NFU1: variants seen among roughly 807,000 people sequenced by gnomAD.
The protein encoded by NFU1 is NFU1 iron-sulfur cluster scaffold homolog, mitochondrial.
NFU1 carries 30 observed loss-of-function variants against 32.2 expected under a neutral mutation model. The ratio of observed to expected loss-of-function variants is 0.93; its 90% CI spans 0.70 to 1.26. NFU1 has a LOEUF of 1.26. NFU1 is among the 50% of genes most tolerant of loss of function. The pLI, the probability that NFU1 is intolerant of heterozygous loss-of-function variation, is 0.00. For missense variants in NFU1, 306 were observed against 306.6 expected (o/e 1.00, Z 0.02); for synonymous variants, 112 against 104.6 (o/e 1.07, Z -0.43).
At chr2:69,429,125 T>A (rs760291014) in intron 2 of NFU1, among the ~76,000 whole-genome samples, 1 of 152,226 alleles carries the variant, frequency 6.6e-6, no homozygotes, top group Non-Finnish European at 1.5e-5. Flanking sequence ...GATTTTTCAA[T>A]GACACATTAA....
At chr2:69,431,441 G>C (rs1167347455) in intron 2 of NFU1, among the ~76,000 whole-genome samples, 1 of 152,078 alleles carries the variant, frequency 6.6e-6, no homozygotes, top group East Asian at 1.9e-4. Context: ...AAGCAGCTGG[G>C]ACTACACGTG....
Position 69,423,696 on chromosome 2 carries a change from G to A in NFU1, c.188C>T (p.Thr63Ile), listed in dbSNP as rs1261265957. The change falls in exon 3 of 8, where the codon ACA becomes ATA. Residue 63 changes from threonine to isoleucine, a missense_variant. Thr to Ile is a moderately conservative substitution (Grantham distance 89). Coordinates refer to ENST00000410022, the MANE Select transcript of NFU1 (RefSeq NM_001002755.4). ...YHPVRYMFIQTQDTPNPNSLK... is the reference protein window; with the variant it reads ...YHPVRYMFIQIQDTPNPNSLK... ...GCTGTTTGGATTTGGGGTATCTTGTGTTTGAATAAACATGTATCTCACTAA... is the reference window on the plus strand; with the variant it reads ...GCTGTTTGGATTTGGGGTATCTTGTATTTGAATAAACATGTATCTCACTAA... 6.2e-7 allele frequency: 1 copy of A among 1,602,634 alleles called. No individual in the cohort carries two copies. The highest frequency in any genetic ancestry group is 8.5e-7 in the Non-Finnish European group (1 of 1,169,808).
At chr2:69,418,759 A>T (rs981326268) in intron 4 of NFU1, among the ~76,000 whole-genome samples, 7 of 151,864 alleles carry the variant, frequency 4.6e-5, no homozygotes, top group Non-Finnish European at 2.9e-5. Flanking sequence ...GTGAGCCACC[A>T]CACCCGGCCC....
chr2:69,422,139 G>A (rs1182861849), intron 3 of NFU1, among the ~76,000 whole-genome samples: 1 of 152,130 alleles, frequency 6.6e-6, no homozygotes, highest in Non-Finnish European at 1.5e-5. Context: ...CAATGATGCA[G>A]CGAGGGTGGT....
At chr2:69,427,935 A>G (rs917522669) in intron 2 of NFU1, among the ~76,000 whole-genome samples, 6 of 152,002 alleles carry the variant, frequency 3.9e-5, no homozygotes, top group Non-Finnish European at 5.9e-5. Flanking sequence ...AGGCAGGACA[A>G]TCACTTGAAC....
At chr2:69,411,747 C>T (rs1253259604) in intron 5 of NFU1, among the ~76,000 whole-genome samples, 1 of 152,030 alleles carries the variant, frequency 6.6e-6, no homozygotes, top group Admixed American at 6.6e-5. Context: ...CACGCATCAC[C>T]ATGCCCAGCT....
chr2:69,413,280 C>T (rs1287849422), intron 5 of NFU1, among the ~76,000 whole-genome samples: 5 of 138,634 alleles, frequency 3.6e-5, no homozygotes, highest in African/African-American at 1.4e-4. Flanking sequence ...AGCGAAACTC[C>T]GTTTCAAAAA....
At chr2:69,402,094 C>T (rs1279206684) in intron 6 of NFU1, among the ~76,000 whole-genome samples, 3 of 152,086 alleles carry the variant, frequency 2.0e-5, no homozygotes, top group South Asian at 4.2e-4. Context: ...CATGTTTCAC[C>T]ATGTTGGCCA....
At chr2:69,420,350 C>T (rs1220910999) in intron 3 of NFU1, among the ~76,000 whole-genome samples, 1 of 152,232 alleles carries the variant, frequency 6.6e-6, no homozygotes, top group African/African-American at 2.4e-5. Flanking sequence ...GCCAACTGAA[C>T]ATCTGACAGA....
intron 5 of NFU1, among the ~76,000 whole-genome samples, chr2:69,409,939 A>C (rs560354474): frequency 1.8e-4 from 27 of 152,208 alleles, no homozygotes; most frequent in Non-Finnish European, 2.9e-4. Flanking sequence ...ATATGTGTAT[A>C]TGCACATATA....
At chr2:69,426,841 G>T (rs1673471239) in intron 2 of NFU1, among the ~76,000 whole-genome samples, 1 of 151,554 alleles carries the variant, frequency 6.6e-6, no homozygotes, top group South Asian at 2.1e-4. Flanking sequence ...GGCCGAGGCG[G>T]GCGGATCACG....
At position 69,396,163 on chromosome 2, in the gene NFU1, G is replaced by C. The variant is rs367833258; in HGVS notation, c.*83C>G. The C allele has an allele frequency of 7.4e-6, 8 of 1,080,806 alleles. No individual in the cohort carries two copies. The East Asian group carries it at 9.5e-5, about 13-fold the overall frequency. 67.0% of individuals were successfully genotyped at this position (1,080,806 alleles called of 1,614,324 possible). On this transcript the variant is annotated 3_prime_UTR_variant, in exon 8 of 8. Transcript: ENST00000410022. Reference sequence around the variant, plus strand: ...AAGAGCATATTTTATTAATCTTCAAGTTCCTCAGCATATTAATAATAAAAA... The same window carrying C: ...AAGAGCATATTTTATTAATCTTCAACTTCCTCAGCATATTAATAATAAAAA...
At position 69,423,170 on chromosome 2, in the gene NFU1, G is replaced by GTGTGTGTGTA. The variant is rs1553401038; in HGVS notation, c.302+411_302+412insTACACACACA. On this transcript the variant is annotated intron_variant, in intron 3 of 7. Transcript: ENST00000410022. ...TTTGTGTGTGTGTGTGTGTGTGTAT[G>GTGTGTGTGTA]TGTGTGTGTGTGTGGTGAGATGGGC... Among the ~76,000 whole-genome samples, 26 of 113,990 alleles carry GTGTGTGTGTA rather than the reference G, an allele frequency of 2.3e-4. 1 individual carries two copies. Among genetic ancestry groups the GTGTGTGTGTA allele is most frequent in the African/African-American group, 8.8e-4 (26 of 29,668 alleles). 74.8% of individuals were successfully genotyped at this position (113,990 alleles called of 152,430 possible). A position where few individuals can be genotyped will look rare whatever the true frequency, so the allele number is the denominator to read the frequency against.
rs775171198 is a variant in NFU1 at position 69,400,315 on chromosome 2, A to G, written c.720+49T>C. ...ATTTCCAGCCTTTGTATCTACAAAG[A>G]AAAAGAAAAAATGAAAAAAATCTAG... On this transcript the variant is annotated intron_variant, in intron 7 of 7. Coordinates refer to ENST00000410022, the MANE Select transcript of NFU1 (RefSeq NM_001002755.4). The G allele has an allele frequency of 2.0e-5, 30 of 1,526,778 alleles. No individual in the cohort carries two copies. The African/African-American group carries it at 3.8e-4, about 19-fold the overall frequency. 94.6% of individuals were successfully genotyped at this position (1,526,778 alleles called of 1,614,324 possible). A position where few individuals can be genotyped will look rare whatever the true frequency, so the allele number is the denominator to read the frequency against.
At chr2:69,421,874 A>G (rs1478276237) in intron 3 of NFU1, among the ~76,000 whole-genome samples, 1 of 151,892 alleles carries the variant, frequency 6.6e-6, no homozygotes, top group African/African-American at 2.4e-5. Flanking sequence ...GTTCTTTATC[A>G]TCTCTAACAT....
chr2:69,396,569 C>T (rs1174699133), intron 7 of NFU1, among the ~76,000 whole-genome samples: 4 of 151,840 alleles, frequency 2.6e-5, no homozygotes, highest in Non-Finnish European at 4.4e-5. Flanking sequence ...AGGAGGATGG[C>T]GTGAACCTGG....
At chr2:69,434,163 G>A (rs1440145847) in intron 1 of NFU1, among the ~76,000 whole-genome samples, 2 of 140,674 alleles carry the variant, frequency 1.4e-5, no homozygotes, top group Admixed American at 1.5e-4. Context: ...TTTTTTTTGT[G>A]AGACGGAGTC....
At chr2:69,407,881 C>T (rs1243574190) in intron 5 of NFU1, among the ~76,000 whole-genome samples, 1 of 151,224 alleles carries the variant, frequency 6.6e-6, no homozygotes, top group Non-Finnish European at 1.5e-5. Context: ...GATGTGGTGG[C>T]ACACGCCTGT....
At chr2:69,426,350 A>G (rs1673454469) in intron 2 of NFU1, among the ~76,000 whole-genome samples, 1 of 152,122 alleles carries the variant, frequency 6.6e-6, no homozygotes. Flanking sequence ...CAGTGGCATG[A>G]TCTCGGCTCA....
Sources: gnomAD v4.1 joint callset for allele counts (sites outside exome capture counted in the v4.1 genomes callset) on GRCh38, gnomAD v4.1.1 for gene constraint, MANE v1.5 for transcripts, NCBI Gene and HGNC (gene_info 2026-07-23, HGNC 2026-07-21) for gene names.